COG6: variants seen among roughly 807,000 people sequenced by gnomAD.
COG6 encodes the protein component of oligomeric golgi complex 6, also known as conserved oligomeric Golgi complex subunit 6.
Under a neutral mutation model 88.8 loss-of-function variants are expected in COG6, and 74 were observed. That is an observed-to-expected ratio of 0.83 (90% CI 0.69 to 1.01). The LOEUF is 1.01. Among genes scored for constraint, COG6 ranks in the 50% least tolerant of loss-of-function variants. COG6 has a pLI of 0.00. For missense variants in COG6, 800 were observed against 797.9 expected (o/e 1.00, Z -0.03); for synonymous variants, 286 against 278.7 (o/e 1.03, Z -0.26).
chr13:39,707,693 A>G (rs1442620673), intron 13 of COG6, among the ~76,000 whole-genome samples: 2 of 152,118 alleles, frequency 1.3e-5, no homozygotes, highest in African/African-American at 4.8e-5. Flanking sequence ...GACTTAACAT[A>G]TCTGTAAGAT....
chr13:39,699,467 C>T, intron 12 of COG6, 34 bp from the exon 13 acceptor site: 1 of 1,016,218 alleles, frequency 9.8e-7, no homozygotes. Flanking sequence ...GTTTCAGTTT[C>T]TGTTTTGCAA....
intron 18 of COG6, among the ~76,000 whole-genome samples, chr13:39,772,168 C>T (rs1881335528): frequency 1.3e-5 from 2 of 152,196 alleles, no homozygotes; most frequent in South Asian, 4.1e-4. Context: ...TGTTTCATCT[C>T]TGCTCACATT....
intron 13 of COG6, among the ~76,000 whole-genome samples, chr13:39,711,157 T>C (rs1462173856): frequency 6.6e-6 from 1 of 151,966 alleles, no homozygotes. Flanking sequence ...AGCATATGAG[T>C]CACAAGGATA....
intron 10 of COG6, among the ~76,000 whole-genome samples, chr13:39,688,402 C>T (rs985878283): frequency 6.6e-6 from 1 of 152,120 alleles, no homozygotes; most frequent in South Asian, 2.1e-4. Context: ...ACATCTGCTT[C>T]TGGTGAAGGC....
intron 18 of COG6, 130 bp downstream of exon 18, chr13:39,727,678 T>C: frequency 2.6e-6 from 2 of 755,014 alleles, no homozygotes; most frequent in South Asian, 3.0e-5. Context: ...TTCTCAACCT[T>C]TCTTCTGCCT....
intron 13 of COG6, among the ~76,000 whole-genome samples, chr13:39,704,983 T>G (rs1252598886): frequency 6.6e-6 from 1 of 152,168 alleles, no homozygotes; most frequent in African/African-American, 2.4e-5. Context: ...CCATTTCAGG[T>G]TTTTTGCAAG....
chr13:39,672,625 AT>A (rs962946423), intron 4 of COG6, among the ~76,000 whole-genome samples: 2 of 151,922 alleles, frequency 1.3e-5, no homozygotes, highest in African/African-American at 4.8e-5. Flanking sequence ...GCAACACCAC[AT>A]TTTGTTCACC....
chr13:39,720,297 C>T (rs4488331), intron 15 of COG6, among the ~76,000 whole-genome samples: 151,684 of 152,208 alleles, frequency 1, 75,584 homozygotes, highest in Non-Finnish European at 1. Flanking sequence ...GCTATACCAA[C>T]CACTTGAGTT....
At chr13:39,743,188 A>G (rs1234636357) in intron 18 of COG6, among the ~76,000 whole-genome samples, 2 of 152,216 alleles carry the variant, frequency 1.3e-5, no homozygotes, top group Non-Finnish European at 2.9e-5. Context: ...ATCACAATTA[A>G]AAGAACTAGA....
intron 18 of COG6, among the ~76,000 whole-genome samples, chr13:39,771,219 G>A (rs7319041): frequency 0.29 from 44,839 of 152,068 alleles, 6,822 homozygotes; most frequent in Non-Finnish European, 0.35. Context: ...TGTCCTCTGC[G>A]TATCACTCAG....
intron 18 of COG6, among the ~76,000 whole-genome samples, chr13:39,761,792 G>A (rs1453248564): frequency 2.0e-5 from 3 of 150,454 alleles, no homozygotes; most frequent in Admixed American, 1.3e-4. Context: ...GCTGAACACC[G>A]CTAATCATCA....
chr13:39,698,735 T>A (rs936965074), intron 12 of COG6, among the ~76,000 whole-genome samples: 7 of 151,886 alleles, frequency 4.6e-5, no homozygotes, highest in African/African-American at 1.7e-4. Context: ...TATAATTCCT[T>A]ACTGGATTAC....
rs769563642 is a variant in COG6 at position 39,655,676 on chromosome 13, C to T, written c.-51C>T. On this transcript the variant is annotated 5_prime_UTR_variant, in exon 1 of 19. Coordinates refer to ENST00000455146, the MANE Select transcript of COG6 (RefSeq NM_020751.3). ...ACATGCGCAATACTCGCGCTGCCTC[C>T]GTGGTCCCTGCCTGGCTGAGGTGGC... is the stretch of plus-strand genomic sequence containing the variant. 85 of 1,551,154 alleles carry T rather than the reference C, an allele frequency of 5.5e-5. 1 individual carries two copies. The South Asian group carries it at 7.3e-4, about 13-fold the overall frequency.
At chr13:39,733,279 G>A (rs925413592) in intron 18 of COG6, among the ~76,000 whole-genome samples, 22 of 149,402 alleles carry the variant, frequency 1.5e-4, no homozygotes, top group Middle Eastern at 3.4e-3. Context: ...CAACCTCTGC[G>A]TCCTGGGTGC....
chr13:39,761,061 G>A (rs1206452246), intron 18 of COG6, among the ~76,000 whole-genome samples: 1 of 151,690 alleles, frequency 6.6e-6, no homozygotes, highest in African/African-American at 2.4e-5. Flanking sequence ...ACAGCTATTG[G>A]GAATATGGTT....
At chr13:39,691,931 G>T (rs908470778) in intron 11 of COG6, among the ~76,000 whole-genome samples, 3 of 150,304 alleles carry the variant, frequency 2.0e-5, no homozygotes, top group Non-Finnish European at 3.0e-5. Flanking sequence ...ATTCTTTGTA[G>T]ATATGAATTT....
intron 11 of COG6, among the ~76,000 whole-genome samples, chr13:39,692,643 C>A (rs1010286907): frequency 2.6e-5 from 4 of 152,048 alleles, no homozygotes; most frequent in African/African-American, 4.8e-5. Flanking sequence ...AACCCACTCT[C>A]TTTCTCTTGC....
intron 13 of COG6, among the ~76,000 whole-genome samples, chr13:39,702,158 A>C (rs998246797): frequency 4.6e-5 from 7 of 151,984 alleles, no homozygotes; most frequent in African/African-American, 1.7e-4. Context: ...GGAAGTGGAA[A>C]GTGTGAATAT....
intron 18 of COG6, among the ~76,000 whole-genome samples, chr13:39,777,125 A>C (rs1399047056): frequency 6.6e-6 from 1 of 152,160 alleles, no homozygotes; most frequent in Non-Finnish European, 1.5e-5. Flanking sequence ...TTTTTGCCAG[A>C]CACTGAGAAG....
Sources: gnomAD v4.1 joint callset for allele counts (sites outside exome capture counted in the v4.1 genomes callset) on GRCh38, gnomAD v4.1.1 for gene constraint, MANE v1.5 for transcripts, NCBI Gene and HGNC (gene_info 2026-07-23, HGNC 2026-07-21) for gene names.